Variants in SEC23A observed in about 807,000 individuals in gnomAD.
SEC23A encodes the protein SEC23 homolog A, COPII component.
SEC23A carries 56 observed loss-of-function variants against 103.7 expected under a neutral mutation model. The observed-to-expected ratio is 0.54, with a 90% CI of 0.44 to 0.67. The LOEUF (loss-of-function observed/expected upper bound fraction) is 0.67. SEC23A is among the 30% of genes least tolerant of loss of function. The pLI is 0.00. For synonymous variants in SEC23A, 281 were observed against 293.0 expected, an observed-to-expected ratio of 0.96 and a Z score of 0.42; for missense variants, 784 against 936.4, an observed-to-expected ratio of 0.84 and a Z score of 2.12.
chr14:39,062,795 A>G (rs903052969), intron 12 of SEC23A, among the ~76,000 whole-genome samples: 3 of 152,108 alleles, frequency 2.0e-5, no homozygotes, highest in Non-Finnish European at 4.4e-5. Flanking sequence ...ATGGCTAAAA[A>G]CTATTAATAT....
intron 10 of SEC23A, among the ~76,000 whole-genome samples, chr14:39,066,490 T>TA (rs1555328382): frequency 0.045 from 6,653 of 149,458 alleles, 483 homozygotes; most frequent in African/African-American, 0.15. Flanking sequence ...TTTTTTTTTT[T>TA]AAAAAAAACA....
At chr14:39,044,218 G>A (rs1042565515) in intron 16 of SEC23A, among the ~76,000 whole-genome samples, 16 of 152,054 alleles carry the variant, frequency 1.1e-4, no homozygotes, top group African/African-American at 3.9e-4. Flanking sequence ...AGGCACTAGG[G>A]ACAGTGGGAT....
intron 7 of SEC23A, among the ~76,000 whole-genome samples, chr14:39,077,539 C>CA (rs948711504): frequency 7.7e-5 from 11 of 143,512 alleles, no homozygotes; most frequent in African/African-American, 1.6e-4. Context: ...AAGACTCTGT[C>CA]AAAAAAAAGA....
rs118171005 is a variant in SEC23A, at chr14:39,086,718, A to T, written c.683+211T>A. 5.2e-3 allele frequency among the ~76,000 whole-genome samples: 790 copies of T among 152,342 alleles called. 4 individuals carry two copies. Among genetic ancestry groups the T allele is most frequent in the Non-Finnish European group, 7.7e-3 (525 of 68,026 alleles). The stretch of plus-strand genomic sequence containing the variant: ...AATAAAAAATAAGGAAAATAACAAA[A>T]CTAAAGTAACTCCTTACATTGTTAA... On this transcript the variant is annotated intron_variant, in intron 6 of 19. Transcript: ENST00000307712.
chr14:39,080,607 C>G (rs1950509), intron 7 of SEC23A, among the ~76,000 whole-genome samples: 3 of 152,054 alleles, frequency 2.0e-5, no homozygotes. Context: ...GATTTCACCA[C>G]GTTGGCCAGG....
chr14:39,033,319 C>G lies in SEC23A; in HGVS notation c.2218G>C (p.Ala740Pro). Reference sequence around the variant, plus strand: ...CTAACATCATCTGTAAGAATAGGTGCTCCAGACTCCTAGAGGAAAAAAGAT... The same window carrying G: ...CTAACATCATCTGTAAGAATAGGTGGTCCAGACTCCTAGAGGAAAAAAGAT... ...NMYAWGQESGAPILTDDVSLQ... is the reference protein window; with the variant it reads ...NMYAWGQESGPPILTDDVSLQ... The change falls in exon 20 of 20, where the codon GCA becomes CCA. Residue 740 changes from alanine (A) to proline (P), a missense_variant. Ala to Pro is a conservative substitution (Grantham distance 27). Coordinates refer to ENST00000307712, the MANE Select transcript of SEC23A (RefSeq NM_006364.4). 1 of 1,574,562 alleles carries G rather than the reference C, an allele frequency of 6.4e-7. No homozygotes were observed. Among genetic ancestry groups the G allele is most frequent in the Non-Finnish European group, 8.6e-7 (1 of 1,163,130 alleles).
intron 4 of SEC23A, among the ~76,000 whole-genome samples, chr14:39,092,318 G>C (rs971628862): frequency 6.6e-5 from 10 of 152,230 alleles, no homozygotes; most frequent in Admixed American, 6.5e-4. Flanking sequence ...GATCTACTCA[G>C]TATAGCAAAT....
At chr14:39,033,474 G>A (rs1885368549) in intron 19 of SEC23A, 146 bp from the exon 20 acceptor site, 2 of 140,140 alleles carry the variant, frequency 1.4e-5, no homozygotes, top group East Asian at 3.8e-4. Flanking sequence ...TCCGTCCCTG[G>A]TTGCTGGGAG....
At chr14:39,102,753 G>A (rs1198515701) in intron 1 of SEC23A, among the ~76,000 whole-genome samples, 1 of 152,172 alleles carries the variant, frequency 6.6e-6, no homozygotes, top group African/African-American at 2.4e-5. Flanking sequence ...TGGCCCAGGA[G>A]GTGGGGGTGG....
At chr14:39,070,755 G>A (rs894680497) in intron 9 of SEC23A, among the ~76,000 whole-genome samples, 5 of 147,772 alleles carry the variant, frequency 3.4e-5, no homozygotes, top group East Asian at 2.0e-4. Flanking sequence ...GGCTGGACAC[G>A]GTAGCTCATG....
intron 9 of SEC23A, among the ~76,000 whole-genome samples, chr14:39,070,919 C>T (rs1886821002): frequency 6.6e-6 from 1 of 152,058 alleles, no homozygotes; most frequent in South Asian, 2.1e-4. Context: ...CCCAGCTACT[C>T]AGGAGGCTGA....
chr14:39,062,968 C>A (rs1886530752), intron 12 of SEC23A, among the ~76,000 whole-genome samples: 1 of 152,020 alleles, frequency 6.6e-6, no homozygotes. Flanking sequence ...TTTCTGACAA[C>A]TAGGAAAAGC....
chr14:39,085,540 T>C (rs1887402813), intron 7 of SEC23A, among the ~76,000 whole-genome samples: 1 of 152,110 alleles, frequency 6.6e-6, no homozygotes, highest in South Asian at 2.1e-4. Context: ...AGAATTGAAC[T>C]GAATTACAGG....
At chr14:39,059,300 A>AAAAAAAAAAC (rs1886382778) in intron 13 of SEC23A, among the ~76,000 whole-genome samples, 8 of 100,814 alleles carry the variant, frequency 7.9e-5, no homozygotes, top group East Asian at 2.6e-4. Context: ...AAAAAAAAAA[A>AAAAAAAAAAC]AAAAAAAAAA....
chr14:39,067,402 G>T, intron 9 of SEC23A, 106 bp from the exon 10 acceptor site: 1 of 1,250,828 alleles, frequency 8.0e-7, no homozygotes. Flanking sequence ...AAATTTTAAA[G>T]ATATTTCCCA....
intron 15 of SEC23A, among the ~76,000 whole-genome samples, chr14:39,046,022 G>A (rs1041508392): frequency 6.6e-5 from 10 of 152,272 alleles, no homozygotes; most frequent in East Asian, 3.9e-4. Flanking sequence ...TACTGTTCTC[G>A]TGGTAGTAAG....
chr14:39,081,982 C>T (rs1887244416), intron 7 of SEC23A, among the ~76,000 whole-genome samples: 2 of 151,984 alleles, frequency 1.3e-5, no homozygotes, highest in Admixed American at 1.3e-4. Context: ...GGAAACAGGG[C>T]TCCTAAGTGG....
chr14:39,095,067 T>C, intron 2 of SEC23A: 1 of 681,526 alleles, frequency 1.5e-6, no homozygotes, highest in Non-Finnish European at 2.6e-6. Flanking sequence ...GATATTGAAA[T>C]TGCCCAGGAA....
intron 7 of SEC23A, 110 bp downstream of exon 7, chr14:39,085,652 A>C: frequency 7.3e-7 from 1 of 1,378,958 alleles, no homozygotes; most frequent in South Asian, 1.2e-5. Flanking sequence ...GGGAGGAAAA[A>C]AAGCACTTTG....
Sources: allele counts gnomAD v4.1 joint callset (sites outside exome capture counted in the v4.1 genomes callset), GRCh38; gene constraint gnomAD v4.1.1; transcripts MANE v1.5; gene names NCBI Gene and HGNC (gene_info 2026-07-23, HGNC 2026-07-21).